MCOLN2: variants seen among roughly 807,000 people sequenced by gnomAD.
The protein encoded by MCOLN2 is mucolipin TRP cation channel 2.
MCOLN2 carries 57 observed loss-of-function variants against 67.5 expected under a neutral mutation model. The observed-to-expected ratio is 0.84, with a 90% CI of 0.68 to 1.05. The LOEUF (loss-of-function observed/expected upper bound fraction) is 1.05. MCOLN2 is among the 50% of genes least tolerant of loss of function. MCOLN2 has a pLI of 0.00. For synonymous variants in MCOLN2, 246 were observed against 233.3 expected (o/e 1.05, Z -0.50); for missense variants, 620 against 678.8 (o/e 0.91, Z 0.96).
At chr1:84,935,047 A>G (rs1411017685) in intron 11 of MCOLN2, among the ~76,000 whole-genome samples, 2 of 152,202 alleles carry the variant, frequency 1.3e-5, no homozygotes, top group Non-Finnish European at 1.5e-5. Flanking sequence ...AAATCCCACA[A>G]AAATGCCCGC....
chr1:84,964,492 G>C (rs1345857691), intron 2 of MCOLN2, among the ~76,000 whole-genome samples: 1 of 132,538 alleles, frequency 7.5e-6, no homozygotes, highest in Admixed American at 9.3e-5. Flanking sequence ...TTTTGTAGAA[G>C]ACAATTTTTC....
chr1:84,939,454 C>T (rs1420071410), intron 9 of MCOLN2, 99 bp downstream of exon 9: 26 of 1,203,140 alleles, frequency 2.2e-5, no homozygotes, highest in African/African-American at 6.2e-5. Flanking sequence ...AGGGAAGACA[C>T]GAGAATCAAA....
chr1:84,967,374 A>C (rs186337040), intron 1 of MCOLN2, among the ~76,000 whole-genome samples: 14 of 152,304 alleles, frequency 9.2e-5, no homozygotes, highest in African/African-American at 3.4e-4. Flanking sequence ...AATTCTAGTA[A>C]GTTAGGCTAA....
rs1324729673 is a variant in MCOLN2, at chr1:84,925,728, G to C, written c.*957C>G. 3 of 152,246 alleles carry C rather than the reference G, an allele frequency of 2.0e-5. No homozygotes were observed. The highest frequency in any genetic ancestry group is 6.8e-3 in the Middle Eastern group (2 of 294). 9.4% of individuals were successfully genotyped at this position (152,246 alleles called of 1,614,324 possible). A position where few individuals can be genotyped will look rare whatever the true frequency, so the allele number is the denominator to read the frequency against. ...TTCCACATGTCATGTGTGTACAACT[G>C]ACCATTAGCACAAGTGACGAGGCAG... is the stretch of plus-strand genomic sequence containing the variant. On this transcript the variant is annotated 3_prime_UTR_variant, in exon 14 of 14. Transcript: ENST00000370608.
intron 1 of MCOLN2, among the ~76,000 whole-genome samples, chr1:84,974,708 G>A (rs542387497): frequency 2.6e-5 from 4 of 152,012 alleles, no homozygotes; most frequent in Non-Finnish European, 5.9e-5. Context: ...TCGGCTATTG[G>A]GGGGTGGAGC....
Position 84,944,392 on chromosome 1 carries a change from G to A in MCOLN2, c.847+2641C>T, listed in dbSNP as rs149765116. Among the ~76,000 whole-genome samples the A allele has an allele frequency of 1.0e-3, 156 of 152,202 alleles. 1 individual carries two copies. Among genetic ancestry groups the A allele is most frequent in the African/African-American group, 3.6e-3 (151 of 41,540 alleles). ...TACTAAAAATACAAAAAATAGTCGGGCGTGGTGGGGTGTGCTTGTAGTCCC... is the reference window on the plus strand; with the variant it reads ...TACTAAAAATACAAAAAATAGTCGGACGTGGTGGGGTGTGCTTGTAGTCCC... On this transcript the variant is annotated intron_variant, in intron 7 of 13. Transcript: ENST00000370608.
intron 1 of MCOLN2, among the ~76,000 whole-genome samples, chr1:84,973,891 T>C (rs1399953562): frequency 6.6e-6 from 1 of 152,186 alleles, no homozygotes; most frequent in Non-Finnish European, 1.5e-5. Context: ...AAAGAGGCAC[T>C]GAAGAGGTAG....
chr1:84,975,159 G>A (rs1649935203), intron 1 of MCOLN2, among the ~76,000 whole-genome samples: 1 of 152,188 alleles, frequency 6.6e-6, no homozygotes, highest in South Asian at 2.1e-4. Context: ...TTTGCCGCCT[G>A]CTAACTATAG....
At chr1:84,991,528 A>C (rs969013431) in intron 1 of MCOLN2, among the ~76,000 whole-genome samples, 1 of 152,108 alleles carries the variant, frequency 6.6e-6, no homozygotes, top group Admixed American at 6.5e-5. Context: ...AAAGAAGAAA[A>C]CTTTGGTTCC....
rs780566837 is a variant in MCOLN2 at position 84,956,432 on chromosome 1, G to A, written c.564C>T (p.Leu188=). The change falls in exon 4 of 14, where the codon CTC becomes CTT. Residue 188 remains leucine, a splice_region_variant and synonymous_variant. Coordinates refer to ENST00000370608, the MANE Select transcript of MCOLN2 (RefSeq NM_153259.4). ...ETLNIDNDVE[L]DCVQLDLQDL... is the part of the protein sequence containing the mutation. The stretch of plus-strand genomic sequence containing the variant: ...ATCATGAAATTATCACTGCATTACC[G>A]AGCTCAACGTCGTTGTCAATATTCA... The A allele has an allele frequency of 3.9e-5, 63 of 1,610,428 alleles. No homozygotes were observed. The highest frequency in any genetic ancestry group is 3.8e-4 in the South Asian group (34 of 89,996).
At chr1:84,995,493 C>G (rs1429565296) in intron 1 of MCOLN2, among the ~76,000 whole-genome samples, 1 of 152,200 alleles carries the variant, frequency 6.6e-6, no homozygotes, top group Non-Finnish European at 1.5e-5. Flanking sequence ...AACTTAGACC[C>G]TAGGCCTTAA....
Position 84,939,651 on chromosome 1 carries a change from C to T in MCOLN2, c.1012G>A (p.Asp338Asn), listed in dbSNP as rs768094044. 84 of 1,613,894 alleles carry T rather than the reference C, an allele frequency of 5.2e-5. No individual in the cohort carries two copies. Among genetic ancestry groups the T allele is most frequent in the African/African-American group, 9.3e-5 (7 of 74,914 alleles). The change falls in exon 9 of 14, where the codon GAC becomes AAC. Residue 338 changes from aspartate (D) to asparagine (N), a missense_variant. Physicochemically the swap from Asp to Asn is conservative, Grantham distance 23. Transcript: ENST00000370608. ...EKYKRPVCDTDQWEFINGWYV... is the reference protein window; with the variant it reads ...EKYKRPVCDTNQWEFINGWYV... ...CAGCCGTTGATGAACTCCCACTGGT[C>T]GGTGTCACACACAGGCCGCTTGTAC...
intron 2 of MCOLN2, among the ~76,000 whole-genome samples, chr1:84,960,573 T>C (rs41383647): frequency 0.037 from 5,586 of 152,274 alleles, 199 homozygotes; most frequent in East Asian, 0.2. Context: ...ACTCAGCTAT[T>C]CTAAGGAAAA....
chr1:84,961,862 C>T (rs1308090131), intron 2 of MCOLN2, among the ~76,000 whole-genome samples: 1 of 152,160 alleles, frequency 6.6e-6, no homozygotes, highest in Non-Finnish European at 1.5e-5. Context: ...AAACAAGATA[C>T]TGCTCTAATT....
In MCOLN2 at chr1:84,952,575, T is replaced by C. The variant is rs372445944; in HGVS notation, c.566-45A>G. 8 of 1,288,644 alleles carry C rather than the reference T, an allele frequency of 6.2e-6. No individual in the cohort carries two copies. In the African/African-American group the frequency reaches 1.2e-4, roughly 19 times the overall value. 79.8% of individuals were successfully genotyped at this position (1,288,644 alleles called of 1,614,324 possible). ...AGAAATGGTTGTTTCAGGCAAGAAT[T>C]AGGTGCTAAAACTAATGGGTGAAAG... On this transcript the variant is annotated intron_variant, in intron 4 of 13. Transcript: ENST00000370608.
chr1:84,975,262 G>C (rs950363052), intron 1 of MCOLN2, among the ~76,000 whole-genome samples: 1 of 152,304 alleles, frequency 6.6e-6, no homozygotes, highest in African/African-American at 2.4e-5. Flanking sequence ...CTTCAGGTCT[G>C]ACCCAGTGTA....
At chr1:84,935,346 C>T (rs1307516426) in intron 11 of MCOLN2, among the ~76,000 whole-genome samples, 1 of 152,174 alleles carries the variant, frequency 6.6e-6, no homozygotes, top group Non-Finnish European at 1.5e-5. Flanking sequence ...CATAAACAGA[C>T]CTGCAGGCAA....
chr1:84,970,043 A>G lies in MCOLN2; in HGVS notation c.78-4335T>C, dbSNP rs550860989. 6.6e-5 allele frequency among the ~76,000 whole-genome samples: 10 copies of G among 152,326 alleles called. No individual in the cohort carries two copies. The East Asian group carries it at 1.7e-3, about 26-fold the overall frequency. On this transcript the variant is annotated intron_variant, in intron 1 of 13. Transcript: ENST00000370608. The stretch of plus-strand genomic sequence containing the variant: ...AACATCCTCAAACATGAACTTTCAG[A>G]TCTCCTGAGAACATGCCTGTAAGAA...
At chr1:84,967,245 C>T (rs1273163137) in intron 1 of MCOLN2, among the ~76,000 whole-genome samples, 2 of 152,176 alleles carry the variant, frequency 1.3e-5, no homozygotes, top group African/African-American at 4.8e-5. Context: ...TCCAGCTATT[C>T]CTGAAGTAAT....
Sources: allele counts gnomAD v4.1 joint callset (sites outside exome capture counted in the v4.1 genomes callset), GRCh38; gene constraint gnomAD v4.1.1; transcripts MANE v1.5; gene names NCBI Gene and HGNC (gene_info 2026-07-23, HGNC 2026-07-21).